LRRC20: variants seen among roughly 807,000 people sequenced by gnomAD.
The protein encoded by LRRC20 is leucine-rich repeat-containing protein 20.
A neutral mutation model predicts 14.4 loss-of-function variants in LRRC20; 11 were observed. The ratio of observed to expected loss-of-function variants is 0.77; its 90% CI spans 0.48 to 1.27. The LOEUF is 1.27. Among genes scored for constraint, LRRC20 ranks in the 50% most tolerant of loss-of-function variants. LRRC20 has a pLI of 0.00. For missense variants in LRRC20, 219 were observed against 251.2 expected (o/e 0.87, Z 0.87); for synonymous variants, 121 against 107.3 (o/e 1.13, Z -0.79).
intron 2 of LRRC20, among the ~76,000 whole-genome samples, chr10:70,368,439 G>A (rs1190732638): frequency 6.6e-6 from 1 of 151,752 alleles, no homozygotes; most frequent in Non-Finnish European, 1.5e-5. Context: ...TTACAGGGGT[G>A]AGCCACCGCG....
intron 3 of LRRC20, among the ~76,000 whole-genome samples, chr10:70,324,410 C>A (rs1354516244): frequency 1.3e-5 from 2 of 152,220 alleles, no homozygotes; most frequent in African/African-American, 4.8e-5. Flanking sequence ...CCCCTCGGGG[C>A]TCCCCACACT....
intron 2 of LRRC20, among the ~76,000 whole-genome samples, chr10:70,350,868 G>C (rs4747008): frequency 0.75 from 114,508 of 152,094 alleles, 43,450 homozygotes; most frequent in Middle Eastern, 0.83. Flanking sequence ...TCCTTTGGCC[G>C]ACGTTTGCCA....
rs1394976381 is a variant in LRRC20 at position 70,375,575 on chromosome 10, C to CAG, written c.82+876_82+877insCT. On this transcript the variant is annotated intron_variant, in intron 2 of 4. Coordinates refer to ENST00000446961, the MANE Select transcript of LRRC20 (RefSeq NM_001278212.2). ...CTCCTTTGTGAGACAGACAGACAGACACACACACACACACACCCCTACCTG... is the reference window on the plus strand; with the variant it reads ...CTCCTTTGTGAGACAGACAGACAGACAGACACACACACACACACCCCTACCTG... Among the ~76,000 whole-genome samples, 14 of 151,862 alleles carry CAG rather than the reference C, an allele frequency of 9.2e-5. No individual in the cohort carries two copies. The South Asian group carries it at 1.7e-3, about 18-fold the overall frequency.
At chr10:70,348,745 T>A (rs536824590) in intron 2 of LRRC20, among the ~76,000 whole-genome samples, 1 of 152,234 alleles carries the variant, frequency 6.6e-6, no homozygotes, top group South Asian at 2.1e-4. Context: ...GTCTACAAAC[T>A]CCTGTAGGCC....
At position 70,301,249 on chromosome 10, in the gene LRRC20, A is replaced by ACCCCCCC; in HGVS notation, c.*104_*105insGGGGGGG. On this transcript the variant is annotated 3_prime_UTR_variant, in exon 5 of 5. Transcript: ENST00000446961. ...CCACCCACCACGTGCTGCTCGGCCCACCCGCCCCCAGCCCCCAGGCTTGGC... is the reference window on the plus strand; with the variant it reads ...CCACCCACCACGTGCTGCTCGGCCCACCCCCCCCCCGCCCCCAGCCCCCAGGCTTGGC... The ACCCCCCC allele has an allele frequency of 4.8e-6, 7 of 1,450,890 alleles. No homozygotes were observed. Among genetic ancestry groups the ACCCCCCC allele is most frequent in the East Asian group, 2.5e-5 (1 of 40,492 alleles). 89.9% of individuals were successfully genotyped at this position (1,450,890 alleles called of 1,614,324 possible).
At chr10:70,340,229 C>T (rs1038677378) in intron 3 of LRRC20, among the ~76,000 whole-genome samples, 2 of 152,110 alleles carry the variant, frequency 1.3e-5, no homozygotes, top group Non-Finnish European at 1.5e-5. Context: ...GAAGGGGGCT[C>T]ATTCAAGACT....
In LRRC20 at chr10:70,315,302, G is replaced by A. The variant is rs752060217; in HGVS notation, c.400+8561C>T. Reference sequence around the variant, plus strand: ...AATCACTTAGTTAAAAACAGCAACTGGTGAATGAAGGAACATTTCCCAAAT... The same window carrying A: ...AATCACTTAGTTAAAAACAGCAACTAGTGAATGAAGGAACATTTCCCAAAT... On this transcript the variant is annotated intron_variant, in intron 4 of 4. Coordinates refer to ENST00000446961, the MANE Select transcript of LRRC20 (RefSeq NM_001278212.2). Among the ~76,000 whole-genome samples, 19 of 152,266 alleles carry A rather than the reference G, an allele frequency of 1.2e-4. No homozygotes were observed. The Middle Eastern group carries it at 0.01, about 82-fold the overall frequency.
At chr10:70,367,345 AAAG>A (rs1844051836) in intron 2 of LRRC20, among the ~76,000 whole-genome samples, 2 of 132,218 alleles carry the variant, frequency 1.5e-5, no homozygotes, top group African/African-American at 5.4e-5. Flanking sequence ...AAAAAAAAAG[AAAG>A]AAAAGAAAAA....
At position 70,340,565 on chromosome 10, in the gene LRRC20, T is replaced by G. The variant is rs1032235290; in HGVS notation, c.220A>C (p.Ser74Arg). 5 of 1,614,048 alleles carry G rather than the reference T, an allele frequency of 3.1e-6. No individual in the cohort carries two copies. In the African/African-American group the frequency reaches 6.7e-5, roughly 22 times the overall value. The change falls in exon 3 of 5, where the codon AGT (serine) becomes CGT (arginine). Residue 74 changes from serine to arginine, a missense_variant. Ser to Arg is a moderately radical substitution (Grantham distance 110, BLOSUM62 -1). Coordinates refer to ENST00000446961, the MANE Select transcript of LRRC20 (RefSeq NM_001278212.2). ...GACCAGGGCCTACCTCGGAGCTGACTGAATGTGGTCATGAACTTGCTGGTG... is the reference window on the plus strand; with the variant it reads ...GACCAGGGCCTACCTCGGAGCTGACGGAATGTGGTCATGAACTTGCTGGTG... ...SLTSKFMTTF[S>R]QLRELHLEGN...
intron 4 of LRRC20, among the ~76,000 whole-genome samples, chr10:70,321,952 G>A (rs980244247): frequency 3.9e-5 from 6 of 152,216 alleles, no homozygotes; most frequent in African/African-American, 1.4e-4. Context: ...GTCTATGCAA[G>A]AGGAGCCAAA....
At chr10:70,371,841 G>T (rs1187262191) in intron 2 of LRRC20, among the ~76,000 whole-genome samples, 4 of 151,552 alleles carry the variant, frequency 2.6e-5, no homozygotes, top group Non-Finnish European at 5.9e-5. Flanking sequence ...GAGAAGCCTG[G>T]AGTGGAGTGA....
chr10:70,358,939 C>T (rs1461008834), intron 2 of LRRC20, among the ~76,000 whole-genome samples: 1 of 152,200 alleles, frequency 6.6e-6, no homozygotes, highest in Non-Finnish European at 1.5e-5. Context: ...CCCTCACCAT[C>T]GGGAAGCTTG....
intron 4 of LRRC20, among the ~76,000 whole-genome samples, chr10:70,317,431 G>A (rs540617825): frequency 1.3e-5 from 2 of 152,058 alleles, no homozygotes; most frequent in South Asian, 4.2e-4. Context: ...GAGTACAGTG[G>A]TGCAATCATA....
At chr10:70,366,086 AC>A (rs374412680) in intron 2 of LRRC20, among the ~76,000 whole-genome samples, 3 of 137,400 alleles carry the variant, frequency 2.2e-5, no homozygotes, top group East Asian at 2.1e-4. Flanking sequence ...AAAAAAAAAA[AC>A]AACAACAAAA....
chr10:70,334,588 C>A (rs1202151691), intron 3 of LRRC20, among the ~76,000 whole-genome samples: 1 of 152,114 alleles, frequency 6.6e-6, no homozygotes, highest in Non-Finnish European at 1.5e-5. Context: ...CCTGACCACA[C>A]GTGGACAGCA....
intron 1 of LRRC20, among the ~76,000 whole-genome samples, chr10:70,381,123 G>A (rs562443651): frequency 1.3e-5 from 2 of 152,358 alleles, no homozygotes; most frequent in African/African-American, 4.8e-5. Flanking sequence ...GAGGAAGGCA[G>A]CCTAATCCAT....
At chr10:70,328,964 C>T (rs926133726) in intron 3 of LRRC20, among the ~76,000 whole-genome samples, 20 of 152,248 alleles carry the variant, frequency 1.3e-4, no homozygotes, top group South Asian at 6.2e-4. Flanking sequence ...GATTATGGAA[C>T]CTTTGCAGAA....
At chr10:70,309,395 G>A (rs950600541) in intron 4 of LRRC20, among the ~76,000 whole-genome samples, 3 of 152,196 alleles carry the variant, frequency 2.0e-5, no homozygotes, top group Non-Finnish European at 4.4e-5. Flanking sequence ...TGCCACGCCA[G>A]TAAGTGGTGG....
At chr10:70,365,532 A>C (rs1843951546) in intron 2 of LRRC20, among the ~76,000 whole-genome samples, 1 of 152,214 alleles carries the variant, frequency 6.6e-6, no homozygotes, top group Non-Finnish European at 1.5e-5. Context: ...ATTTCATCAA[A>C]ATTAAAAATG....
Sources: gnomAD v4.1 joint callset for allele counts (sites outside exome capture counted in the v4.1 genomes callset) on GRCh38, gnomAD v4.1.1 for gene constraint, MANE v1.5 for transcripts, NCBI Gene and HGNC (gene_info 2026-07-23, HGNC 2026-07-21) for gene names.